The following SOX6 variants were observed in gnomAD, a reference collection of about 807,000 sequenced individuals.
The protein encoded by SOX6 is transcription factor SOX-6.
A neutral mutation model predicts 97.8 loss-of-function variants in SOX6; 11 were observed. The ratio of observed to expected loss-of-function variants is 0.11; its 90% CI spans 0.07 to 0.19. The LOEUF (loss-of-function observed/expected upper bound fraction) is 0.19, where lower values mean the gene tolerates loss of function less well. Ranked by LOEUF, SOX6 falls within the 10% of genes least tolerant of loss-of-function variation. SOX6 has a pLI of 1.00. For missense variants in SOX6, 810 were observed against 1,039.5 expected (o/e 0.78, Z 3.04); for synonymous variants, 360 against 371.4 (o/e 0.97, Z 0.35).
intron 3 of SOX6, among the ~76,000 whole-genome samples, chr11:16,626,887 G>A (rs868165559): frequency 2.6e-5 from 4 of 152,094 alleles, no homozygotes; most frequent in South Asian, 2.1e-4. Context: ...GGCATACTGC[G>A]TGATGCTGAG....
intron 9 of SOX6, among the ~76,000 whole-genome samples, chr11:16,081,420 GA>G (rs1162789177): frequency 5.3e-5 from 8 of 152,116 alleles, no homozygotes; most frequent in African/African-American, 1.9e-4. Flanking sequence ...AAAAATGAAG[GA>G]AAAAATCTTT....
intron 6 of SOX6, among the ~76,000 whole-genome samples, chr11:16,133,256 T>C (rs984318966): frequency 3.3e-5 from 5 of 152,204 alleles, no homozygotes; most frequent in Admixed American, 2.6e-4. Flanking sequence ...GGATATGTAT[T>C]CTTCATGTTC....
At chr11:16,131,795 A>C (rs1849746225) in intron 6 of SOX6, among the ~76,000 whole-genome samples, 1 of 152,104 alleles carries the variant, frequency 6.6e-6, no homozygotes, top group African/African-American at 2.4e-5. Context: ...AAGAAATATA[A>C]GAATAAATGA....
intron 12 of SOX6, among the ~76,000 whole-genome samples, chr11:16,029,546 G>A (rs920228082): frequency 1.3e-5 from 2 of 151,624 alleles, no homozygotes; most frequent in East Asian, 3.9e-4. Context: ...TGAGGCAGGA[G>A]AATCACCTGA....
intron 6 of SOX6, among the ~76,000 whole-genome samples, chr11:16,138,030 A>G (rs767403131): frequency 7.7e-4 from 117 of 152,338 alleles, no homozygotes; most frequent in Middle Eastern, 3.4e-3. Flanking sequence ...TAGCAGCATG[A>G]GAAGAGACTA....
intron 1 of SOX6, among the ~76,000 whole-genome samples, chr11:16,419,728 T>C (rs1858991210): frequency 6.6e-6 from 1 of 152,080 alleles, no homozygotes; most frequent in Non-Finnish European, 1.5e-5. Flanking sequence ...CCATAAACTG[T>C]TACTCGGGGC....
intron 3 of SOX6, chr11:16,283,919 C>A: frequency 4.7e-6 from 2 of 429,302 alleles, no homozygotes; most frequent in South Asian, 1.7e-5. Context: ...GAAAGACTTG[C>A]TGAAAAATAT....
At chr11:16,680,603 T>C (rs995295981) in intron 3 of SOX6, among the ~76,000 whole-genome samples, 3 of 152,138 alleles carry the variant, frequency 2.0e-5, no homozygotes, top group African/African-American at 4.8e-5. Flanking sequence ...GATTCACACA[T>C]AGCAATATTA....
In SOX6 at chr11:16,419,813, C is replaced by T. The variant is rs1298119682; in HGVS notation, c.-5+56502G>A. ...TAGCACCATGGCAATAGTTCATCTC[C>T]AGCTGCCTAACTCAACATAAGGCTC... On this transcript the variant is annotated intron_variant, in intron 1 of 15. Transcript: ENST00000396356. Among the ~76,000 whole-genome samples, 2 of 152,126 alleles carry T rather than the reference C, an allele frequency of 1.3e-5. 1 individual carries two copies. The highest frequency in any genetic ancestry group is 1.3e-4 in the Admixed American group (2 of 15,264).
At chr11:16,726,398 C>G (rs980083818) in intron 2 of SOX6, among the ~76,000 whole-genome samples, 2 of 152,196 alleles carry the variant, frequency 1.3e-5, no homozygotes, top group African/African-American at 4.8e-5. Context: ...GCTTGGGTGA[C>G]AGAGTGAGAC....
chr11:16,719,338 T>A (rs1848241858), intron 2 of SOX6, among the ~76,000 whole-genome samples: 1 of 152,186 alleles, frequency 6.6e-6, no homozygotes, highest in Admixed American at 6.5e-5. Flanking sequence ...TTAACTTTTA[T>A]CCCTCTACAG....
intron 9 of SOX6, among the ~76,000 whole-genome samples, chr11:16,069,086 G>A (rs1020622991): frequency 6.6e-6 from 1 of 152,130 alleles, no homozygotes; most frequent in African/African-American, 2.4e-5. Context: ...AGAGATGGAG[G>A]TCATCTTTCT....
intron 4 of SOX6, among the ~76,000 whole-genome samples, chr11:16,599,023 T>A (rs1848241088): frequency 6.6e-6 from 1 of 152,152 alleles, no homozygotes; most frequent in Non-Finnish European, 1.5e-5. Flanking sequence ...CATAGTGCAC[T>A]TTGAATTTAT....
chr11:16,199,106 C>T (rs983144236), intron 4 of SOX6, among the ~76,000 whole-genome samples: 1 of 152,116 alleles, frequency 6.6e-6, no homozygotes, highest in Non-Finnish European at 1.5e-5. Flanking sequence ...TGGTGATAGA[C>T]GGCCAAAGAA....
intron 6 of SOX6, among the ~76,000 whole-genome samples, chr11:16,142,302 G>A (rs912968967): frequency 5.9e-5 from 9 of 152,292 alleles, no homozygotes; most frequent in Middle Eastern, 3.4e-3. Context: ...CTGACTGTTA[G>A]AAGGAAAACT....
chr11:16,396,945 CA>C (rs1335263373), intron 1 of SOX6, among the ~76,000 whole-genome samples: 3 of 151,474 alleles, frequency 2.0e-5, no homozygotes, highest in East Asian at 3.9e-4. Flanking sequence ...TATTAAACAT[CA>C]TGATGAAATA....
At chr11:16,224,531 G>A (rs1009833251) in intron 4 of SOX6, among the ~76,000 whole-genome samples, 1 of 151,910 alleles carries the variant, frequency 6.6e-6, no homozygotes, top group Non-Finnish European at 1.5e-5. Context: ...AACCCCAAGT[G>A]GGGGGAGGTT....
At chr11:16,455,457 C>T (rs1859794653) in intron 1 of SOX6, among the ~76,000 whole-genome samples, 1 of 151,938 alleles carries the variant, frequency 6.6e-6, no homozygotes, top group South Asian at 2.1e-4. Context: ...TTCATTTCTA[C>T]TCTTCAACGC....
At chr11:15,990,373 A>G (rs1237804807) in intron 13 of SOX6, among the ~76,000 whole-genome samples, 6 of 151,848 alleles carry the variant, frequency 4.0e-5, no homozygotes, top group African/African-American at 1.5e-4. Flanking sequence ...GTAGTTCTTT[A>G]ACATCTATGA....
Sources: gnomAD v4.1 joint callset for allele counts (sites outside exome capture counted in the v4.1 genomes callset) on GRCh38, gnomAD v4.1.1 for gene constraint, MANE v1.5 for transcripts, NCBI Gene and HGNC (gene_info 2026-07-23, HGNC 2026-07-21) for gene names.